PCDH15: variants seen among roughly 807,000 people sequenced by gnomAD.
The protein encoded by PCDH15 is protocadherin-15.
PCDH15 carries 129 observed loss-of-function variants against 178.5 expected under a neutral mutation model. The ratio of observed to expected loss-of-function variants is 0.72; its 90% CI spans 0.63 to 0.84. The LOEUF is 0.84. Among genes scored for constraint, PCDH15 ranks in the 40% least tolerant of loss-of-function variants. The pLI, the probability that PCDH15 is intolerant of heterozygous loss-of-function variation, is 0.00. For missense variants in PCDH15, 2,230 were observed against 2,099.9 expected, an observed-to-expected ratio of 1.06 and a Z score of -1.21; for synonymous variants, 800 against 732.0, an observed-to-expected ratio of 1.09 and a Z score of -1.50.
intron 2 of PCDH15, among the ~76,000 whole-genome samples, chr10:55,626,066 A>G (rs1479256310): frequency 6.6e-6 from 1 of 152,142 alleles, no homozygotes; most frequent in African/African-American, 2.4e-5. Flanking sequence ...GAAAGAATAC[A>G]AGTAACAAGG....
chr10:54,356,468 A>C (rs1325057988), intron 5 of PCDH15, among the ~76,000 whole-genome samples: 1 of 151,892 alleles, frequency 6.6e-6, no homozygotes, highest in Non-Finnish European at 1.5e-5. Context: ...TCATTAGTAT[A>C]AAATAGTTAT....
chr10:54,915,902 C>T (rs1954893308), intron 2 of PCDH15, among the ~76,000 whole-genome samples: 1 of 152,156 alleles, frequency 6.6e-6, no homozygotes. Context: ...GATCTTGGCT[C>T]ACTGCAACCT....
chr10:54,623,957 T>C (rs2093465568), intron 2 of PCDH15, among the ~76,000 whole-genome samples: 1 of 152,116 alleles, frequency 6.6e-6, no homozygotes, highest in Non-Finnish European at 1.5e-5. Context: ...AATGAAATCA[T>C]ATGAAATTAA....
intron 8 of PCDH15, among the ~76,000 whole-genome samples, chr10:54,241,554 C>T (rs749085252): frequency 2.0e-5 from 3 of 152,128 alleles, no homozygotes; most frequent in African/African-American, 4.8e-5. Context: ...CTCCCCAAAC[C>T]CTGGATGGTT....
chr10:54,665,971 G>A (rs993655276), intron 1 of PCDH15, among the ~76,000 whole-genome samples: 5 of 152,078 alleles, frequency 3.3e-5, no homozygotes, highest in Admixed American at 3.3e-4. Context: ...TTAAATTCAA[G>A]CTTTTCAGCT....
chr10:54,077,455 TA>T (rs1192406137), intron 17 of PCDH15, among the ~76,000 whole-genome samples: 1 of 152,186 alleles, frequency 6.6e-6, no homozygotes, highest in African/African-American at 2.4e-5. Flanking sequence ...AGGACAGACT[TA>T]AAATGTTCTA....
At chr10:54,252,975 G>A (rs951850623) in intron 8 of PCDH15, among the ~76,000 whole-genome samples, 15 of 151,840 alleles carry the variant, frequency 9.9e-5, no homozygotes, top group African/African-American at 3.6e-4. Context: ...GTAGATACTC[G>A]ATTGCCACTT....
intron 1 of PCDH15, among the ~76,000 whole-genome samples, chr10:55,310,289 T>A (rs1843551908): frequency 6.6e-6 from 1 of 152,162 alleles, no homozygotes; most frequent in South Asian, 2.1e-4. Context: ...GTCTGACACA[T>A]AATGGGTTCT....
intron 8 of PCDH15, among the ~76,000 whole-genome samples, chr10:54,260,151 G>A (rs773698023): frequency 8.6e-5 from 13 of 151,894 alleles, no homozygotes; most frequent in African/African-American, 2.4e-4. Context: ...AATAGTTTAA[G>A]GTACAAAAGA....
chr10:55,224,073 G>A (rs780702259), intron 1 of PCDH15, among the ~76,000 whole-genome samples: 90 of 152,070 alleles, frequency 5.9e-4, no homozygotes, highest in African/African-American at 2.1e-3. Flanking sequence ...ACAACATGGC[G>A]AAGCCCTATT....
At chr10:54,209,277 T>G (rs2051150521) in intron 10 of PCDH15, among the ~76,000 whole-genome samples, 1 of 152,092 alleles carries the variant, frequency 6.6e-6, no homozygotes, top group South Asian at 2.1e-4. Context: ...TATTTTTTGT[T>G]GTTTTAGCGA....
rs540507383 is a variant in PCDH15 at position 54,345,801 on chromosome 10, CAAAAAAAAAAAAAAA to C, written c.594+549_594+563del. ...TGGGCAACAGAGCGAGACTCCGTCT[CAAAAAAAAAAAAAAA>C]AAAAAAAAAAAAAAAAAAGAAATCA... On this transcript the variant is annotated intron_variant, in intron 6 of 37. Coordinates refer to ENST00000644397, the MANE Select transcript of PCDH15 (RefSeq NM_001384140.1). Among the ~76,000 whole-genome samples the C allele has an allele frequency of 1.1e-4, 6 of 52,462 alleles. No individual in the cohort carries two copies. In the South Asian group the frequency reaches 6.7e-3, roughly 58 times the overall value. 34.4% of individuals were successfully genotyped at this position (52,462 alleles called of 152,430 possible). A position where few individuals can be genotyped will look rare whatever the true frequency, so the allele number is the denominator to read the frequency against.
At chr10:55,131,163 T>G (rs1838032073) in intron 2 of PCDH15, among the ~76,000 whole-genome samples, 2 of 152,254 alleles carry the variant, frequency 1.3e-5, no homozygotes, top group African/African-American at 4.8e-5. Flanking sequence ...ATAGTTTCAC[T>G]GCCCCACAAA....
intron 9 of PCDH15, among the ~76,000 whole-genome samples, chr10:54,224,581 C>A (rs2053225256): frequency 6.6e-6 from 1 of 151,932 alleles, no homozygotes; most frequent in African/African-American, 2.4e-5. Context: ...ATATTCCATT[C>A]CTCTGACATT....
chr10:55,546,673 C>T (rs1185611912), intron 2 of PCDH15, among the ~76,000 whole-genome samples: 4 of 152,116 alleles, frequency 2.6e-5, no homozygotes, highest in Admixed American at 1.3e-4. Context: ...AGACTGGATA[C>T]TATGCAGATG....
chr10:53,839,005 C>T (rs2077474623), intron 29 of PCDH15, among the ~76,000 whole-genome samples: 1 of 151,926 alleles, frequency 6.6e-6, no homozygotes, highest in South Asian at 2.1e-4. Context: ...GAGATCGAGA[C>T]CATCCTGGCT....
intron 2 of PCDH15, among the ~76,000 whole-genome samples, chr10:54,635,718 T>A (rs866291295): frequency 6.6e-6 from 1 of 151,996 alleles, no homozygotes; most frequent in Middle Eastern, 3.4e-3. Context: ...ATGTCCAAAT[T>A]GTTCTGCTAT....
intron 3 of PCDH15, among the ~76,000 whole-genome samples, chr10:54,825,825 T>C (rs1235018261): frequency 2.0e-5 from 3 of 152,252 alleles, no homozygotes; most frequent in South Asian, 4.1e-4. Context: ...TCCTTTTTCA[T>C]GCCAGGATAT....
At chr10:54,839,192 T>C (rs1953373509) in intron 3 of PCDH15, among the ~76,000 whole-genome samples, 1 of 152,132 alleles carries the variant, frequency 6.6e-6, no homozygotes, top group Admixed American at 6.6e-5. Flanking sequence ...CACAAATATA[T>C]AGAGATCTAT....
Sources: allele counts gnomAD v4.1 joint callset (sites outside exome capture counted in the v4.1 genomes callset), GRCh38; gene constraint gnomAD v4.1.1; transcripts MANE v1.5; gene names NCBI Gene and HGNC (gene_info 2026-07-23, HGNC 2026-07-21).